Variants in RGS7 observed in about 807,000 individuals in gnomAD.
RGS7 encodes regulator of G protein signaling 7.
RGS7 carries 27 observed loss-of-function variants against 81.1 expected under a neutral mutation model. The ratio of observed to expected loss-of-function variants is 0.33; its 90% CI spans 0.25 to 0.46. The LOEUF (loss-of-function observed/expected upper bound fraction) is 0.46. Among genes scored for constraint, RGS7 ranks in the 20% least tolerant of loss-of-function variants. The pLI is 1.00. For synonymous variants in RGS7, 208 were observed against 207.7 expected (o/e 1.00, Z -0.01); for missense variants, 396 against 607.4 (o/e 0.65, Z 3.66).
At chr1:240,826,806 C>A (rs1692916250) in intron 10 of RGS7, among the ~76,000 whole-genome samples, 1 of 147,840 alleles carries the variant, frequency 6.8e-6, no homozygotes, top group Non-Finnish European at 1.5e-5. Context: ...AGATGTCCCC[C>A]TTTCCTCAGG....
At chr1:241,068,135 A>G (rs2062178932) in intron 3 of RGS7, among the ~76,000 whole-genome samples, 2 of 151,120 alleles carry the variant, frequency 1.3e-5, no homozygotes, top group Admixed American at 6.6e-5. Context: ...GAAAGCTAAT[A>G]ACACAATACT....
chr1:241,116,422 A>C (rs1309691370), intron 2 of RGS7, among the ~76,000 whole-genome samples: 1 of 152,122 alleles, frequency 6.6e-6, no homozygotes, highest in African/African-American at 2.4e-5. Context: ...ATTAGTGTGA[A>C]TTTCCCATGC....
intron 2 of RGS7, among the ~76,000 whole-genome samples, chr1:241,103,715 A>C (rs939890959): frequency 6.6e-6 from 1 of 152,172 alleles, no homozygotes; most frequent in East Asian, 1.9e-4. Context: ...CTTAAAAAAA[A>C]ATATGAAAAT....
chr1:241,322,201 C>T (rs2081253011), intron 2 of RGS7, among the ~76,000 whole-genome samples: 1 of 152,208 alleles, frequency 6.6e-6, no homozygotes, highest in Non-Finnish European at 1.5e-5. Context: ...ACATCTTGCT[C>T]ACCTTTGTAA....
At chr1:240,944,282 GTATATATATA>G (rs760788169) in intron 4 of RGS7, among the ~76,000 whole-genome samples, 4,720 of 55,494 alleles carry the variant, frequency 0.085, 198 homozygotes, top group Admixed American at 0.13. Flanking sequence ...GTGTGTGTGT[GTATATATATA>G]TATATATATA....
chr1:240,932,098 A>G (rs1015274868), intron 5 of RGS7, among the ~76,000 whole-genome samples: 1 of 152,144 alleles, frequency 6.6e-6, no homozygotes, highest in Admixed American at 6.5e-5. Context: ...TAGAAGAGAG[A>G]CTCTAAAGAA....
At chr1:241,035,796 C>T (rs778136334) in intron 3 of RGS7, among the ~76,000 whole-genome samples, 3 of 152,114 alleles carry the variant, frequency 2.0e-5, no homozygotes, top group Non-Finnish European at 4.4e-5. Context: ...TGCTTAACAC[C>T]ATTCTAACCC....
At chr1:241,353,806 G>T (rs2083394742) in intron 2 of RGS7, among the ~76,000 whole-genome samples, 1 of 151,992 alleles carries the variant, frequency 6.6e-6, no homozygotes, top group African/African-American at 2.4e-5. Flanking sequence ...AAAATTAATG[G>T]CGATTCGATG....
chr1:241,228,581 A>C (rs1268706766), intron 2 of RGS7, among the ~76,000 whole-genome samples: 1 of 152,230 alleles, frequency 6.6e-6, no homozygotes, highest in African/African-American at 2.4e-5. Flanking sequence ...GCAGCAATAA[A>C]ATGATCATAA....
chr1:241,018,394 C>T (rs1253109872), intron 3 of RGS7, among the ~76,000 whole-genome samples: 1 of 152,028 alleles, frequency 6.6e-6, no homozygotes, highest in East Asian at 1.9e-4. Flanking sequence ...GTAAATATAC[C>T]TTTAGTATGA....
intron 3 of RGS7, among the ~76,000 whole-genome samples, chr1:241,045,905 C>T (rs1421403146): frequency 3.9e-5 from 6 of 152,126 alleles, no homozygotes; most frequent in Non-Finnish European, 5.9e-5. Context: ...TTCCTCTCTT[C>T]TCTCCCCTCC....
At chr1:241,169,705 T>C (rs754452071) in intron 2 of RGS7, among the ~76,000 whole-genome samples, 1 of 152,180 alleles carries the variant, frequency 6.6e-6, no homozygotes, top group African/African-American at 2.4e-5. Context: ...ACTTTACTGA[T>C]GGCTAGTATA....
intron 3 of RGS7, among the ~76,000 whole-genome samples, chr1:241,045,056 G>C (rs2060844465): frequency 6.6e-6 from 1 of 152,060 alleles, no homozygotes; most frequent in African/African-American, 2.4e-5. Context: ...TTTCTCTTCA[G>C]TTTCTTTCCT....
At chr1:241,026,820 TG>T (rs72145855) in intron 3 of RGS7, among the ~76,000 whole-genome samples, 37,980 of 151,662 alleles carry the variant, frequency 0.25, 5,521 homozygotes, top group Non-Finnish European at 0.33. Context: ...GAGCGGGGTT[TG>T]GGGCATCCAA....
intron 18 of RGS7, among the ~76,000 whole-genome samples, chr1:240,794,809 G>A (rs535377454): frequency 7.4e-6 from 1 of 134,912 alleles, no homozygotes; most frequent in African/African-American, 2.5e-5. Flanking sequence ...GCAGAGGGGA[G>A]TTCCCAGATT....
At chr1:240,973,621 G>A (rs1248632697) in intron 4 of RGS7, among the ~76,000 whole-genome samples, 3 of 151,724 alleles carry the variant, frequency 2.0e-5, no homozygotes, top group Admixed American at 6.6e-5. Flanking sequence ...ATGGAGTCTC[G>A]CTCTGTTGCC....
chr1:241,042,556 C>G (rs2060680213), intron 3 of RGS7, among the ~76,000 whole-genome samples: 1 of 152,026 alleles, frequency 6.6e-6, no homozygotes, highest in Non-Finnish European at 1.5e-5. Context: ...ATAATACATA[C>G]AGAAAAAAAG....
intron 2 of RGS7, among the ~76,000 whole-genome samples, chr1:241,335,717 A>G (rs1234005030): frequency 6.6e-6 from 1 of 152,108 alleles, no homozygotes; most frequent in Non-Finnish European, 1.5e-5. Context: ...ACGCAGAGTG[A>G]TGTGCTGGTA....
At chr1:240,787,339 G>A (rs1399295483) in intron 18 of RGS7, among the ~76,000 whole-genome samples, 2 of 152,078 alleles carry the variant, frequency 1.3e-5, no homozygotes, top group Admixed American at 6.6e-5. Context: ...TTACATTTTG[G>A]TCTGTCATAG....
Sources: gnomAD v4.1 joint callset for allele counts (sites outside exome capture counted in the v4.1 genomes callset) on GRCh38, gnomAD v4.1.1 for gene constraint, MANE v1.5 for transcripts, NCBI Gene and HGNC (gene_info 2026-07-23, HGNC 2026-07-21) for gene names.